GMDS: variants seen among roughly 807,000 people sequenced by gnomAD.
GMDS encodes the protein GDP-mannose 4,6 dehydratase.
Under a neutral mutation model 49.9 loss-of-function variants are expected in GMDS, and 20 were observed. The ratio of observed to expected loss-of-function variants is 0.40; its 90% confidence interval spans 0.28 to 0.58. GMDS has a LOEUF of 0.58. GMDS is among the 20% of genes least tolerant of loss of function. The pLI is 0.42. For missense variants in GMDS, 362 were observed against 481.4 expected, an observed-to-expected ratio of 0.75 and a Z score of 2.32; for synonymous variants, 177 against 178.6, an observed-to-expected ratio of 0.99 and a Z score of 0.07.
intron 4 of GMDS, among the ~76,000 whole-genome samples, chr6:1,967,162 C>T (rs1351112634): frequency 6.6e-6 from 1 of 152,164 alleles, no homozygotes; most frequent in Non-Finnish European, 1.5e-5. Flanking sequence ...CCGTCCTTGC[C>T]ATTCTATCCT....
At chr6:1,731,587 A>AAC (rs1766810925) in intron 8 of GMDS, among the ~76,000 whole-genome samples, 2 of 152,232 alleles carry the variant, frequency 1.3e-5, no homozygotes, top group Admixed American at 6.5e-5. Context: ...TCCAATCTAG[A>AAC]AATATATACC....
intron 7 of GMDS, among the ~76,000 whole-genome samples, chr6:1,769,026 T>C (rs1399469388): frequency 6.6e-6 from 1 of 152,246 alleles, no homozygotes; most frequent in African/African-American, 2.4e-5. Context: ...TGTCTGATTA[T>C]ACTATATTCT....
chr6:1,782,783 AC>A (rs1204164295), intron 7 of GMDS, among the ~76,000 whole-genome samples: 1 of 152,322 alleles, frequency 6.6e-6, no homozygotes, highest in East Asian at 1.9e-4. Context: ...GCCAGGCACT[AC>A]CCCATACTTG....
intron 4 of GMDS, among the ~76,000 whole-genome samples, chr6:2,108,386 G>C (rs76182643): frequency 0.028 from 4,156 of 150,634 alleles, 87 homozygotes; most frequent in South Asian, 0.087. Context: ...ATTTTATATT[G>C]AATTAAATTG....
At chr6:2,165,804 A>C (rs1466515708) in intron 1 of GMDS, among the ~76,000 whole-genome samples, 1 of 152,248 alleles carries the variant, frequency 6.6e-6, no homozygotes, top group African/African-American at 2.4e-5. Context: ...CAAATTCATA[A>C]TGCAACAAGA....
chr6:1,918,537 G>A (rs1367272969), intron 7 of GMDS, among the ~76,000 whole-genome samples: 1 of 151,952 alleles, frequency 6.6e-6, no homozygotes, highest in East Asian at 1.9e-4. Flanking sequence ...TTTGAGCTCT[G>A]GAGTTCAAGA....
At chr6:1,691,069 T>C (rs1320618132) in intron 9 of GMDS, among the ~76,000 whole-genome samples, 1 of 152,216 alleles carries the variant, frequency 6.6e-6, no homozygotes, top group African/African-American at 2.4e-5. Context: ...CATATGTTCA[T>C]TGCAGTGCTA....
In GMDS at chr6:1,933,884, T is replaced by A. The variant is rs574211098; in HGVS notation, c.644-3654A>T. Among the ~76,000 whole-genome samples, 8 of 152,360 alleles carry A rather than the reference T, an allele frequency of 5.3e-5. No individual in the cohort carries two copies. The South Asian group carries it at 1.7e-3, about 32-fold the overall frequency. ...AAGCTTTTTTATCTTTTAATTTTGA[T>A]GAAGTCCAATTTGTCTACATTCGCT... On this transcript the variant is annotated intron_variant, in intron 6 of 10. Coordinates refer to ENST00000380815, the MANE Select transcript of GMDS (RefSeq NM_001500.4).
intron 7 of GMDS, among the ~76,000 whole-genome samples, chr6:1,781,970 C>T (rs765402411): frequency 9.9e-5 from 15 of 152,002 alleles, no homozygotes; most frequent in Non-Finnish European, 1.8e-4. Flanking sequence ...CCCTACACCT[C>T]GCCGCCAAGT....
chr6:2,237,076 T>C (rs1419577019), intron 1 of GMDS, among the ~76,000 whole-genome samples: 2 of 152,186 alleles, frequency 1.3e-5, no homozygotes, highest in East Asian at 3.8e-4. Context: ...CTGAAACAAA[T>C]GAAGTAAATA....
At chr6:1,911,332 A>G (rs1286509570) in intron 7 of GMDS, among the ~76,000 whole-genome samples, 2 of 152,142 alleles carry the variant, frequency 1.3e-5, no homozygotes, top group Non-Finnish European at 2.9e-5. Flanking sequence ...CTACAACTGA[A>G]AAGTAATTCT....
intron 6 of GMDS, among the ~76,000 whole-genome samples, chr6:1,951,527 T>A (rs1444198267): frequency 6.6e-6 from 1 of 152,158 alleles, no homozygotes; most frequent in Non-Finnish European, 1.5e-5. Context: ...TAAAGTACTT[T>A]ATAGCTTCCC....
intron 1 of GMDS, among the ~76,000 whole-genome samples, chr6:2,214,826 T>C (rs1374449356): frequency 6.6e-6 from 1 of 152,208 alleles, no homozygotes; most frequent in East Asian, 1.9e-4. Context: ...GAGCTTCTCT[T>C]TTTAAAAGTA....
intron 7 of GMDS, among the ~76,000 whole-genome samples, chr6:1,779,728 T>TAGTG (rs1433470631): frequency 2.6e-5 from 4 of 152,084 alleles, no homozygotes; most frequent in Non-Finnish European, 5.9e-5. Flanking sequence ...CTCTAACTGA[T>TAGTG]AGTGGTAAAA....
chr6:2,144,979 A>T (rs1381670663), intron 1 of GMDS, among the ~76,000 whole-genome samples: 2 of 152,192 alleles, frequency 1.3e-5, no homozygotes, highest in African/African-American at 2.4e-5. Context: ...AAGCAAAGGG[A>T]CTGGGCAATA....
At chr6:1,700,903 G>A (rs996156905) in intron 9 of GMDS, among the ~76,000 whole-genome samples, 1 of 152,098 alleles carries the variant, frequency 6.6e-6, no homozygotes, top group Admixed American at 6.5e-5. Flanking sequence ...TGACAGACAG[G>A]TGGCAGGAGT....
At position 1,682,976 on chromosome 6, in the gene GMDS, A is replaced by G. The variant is rs565368868; in HGVS notation, c.987+43440T>C. Among the ~76,000 whole-genome samples, 109 of 152,330 alleles carry G rather than the reference A, an allele frequency of 7.2e-4. No individual in the cohort carries two copies. The South Asian group carries it at 0.022, about 30-fold the overall frequency. On this transcript the variant is annotated intron_variant, in intron 9 of 10. Transcript: ENST00000380815. ...GCCTAGTTGGTCCTAGAAGCCCCCA[A>G]TATAAGACCCGTGGCTGGGTCATGG...
intron 1 of GMDS, among the ~76,000 whole-genome samples, chr6:2,159,344 C>T (rs1172672413): frequency 2.6e-5 from 4 of 151,988 alleles, no homozygotes; most frequent in Non-Finnish European, 5.9e-5. Flanking sequence ...CTCAGCCTCC[C>T]AAAGTGCTGG....
At chr6:2,219,905 A>G (rs937934228) in intron 1 of GMDS, among the ~76,000 whole-genome samples, 8 of 152,264 alleles carry the variant, frequency 5.3e-5, no homozygotes, top group African/African-American at 1.9e-4. Flanking sequence ...ACATGGCACC[A>G]GAAGTGGAAA....
Sources: allele counts gnomAD v4.1 joint callset (sites outside exome capture counted in the v4.1 genomes callset), GRCh38; gene constraint gnomAD v4.1.1; transcripts MANE v1.5; gene names NCBI Gene and HGNC (gene_info 2026-07-23, HGNC 2026-07-21).